Variants in NUDT12 observed in about 807,000 individuals in gnomAD.
NUDT12 encodes the protein nudix hydrolase 12, also known as NAD-capped RNA hydrolase NUDT12.
Under a neutral mutation model 45.7 loss-of-function variants are expected in NUDT12, and 42 were observed. The ratio of observed to expected loss-of-function variants is 0.92; its 90% CI spans 0.72 to 1.19. The LOEUF (loss-of-function observed/expected upper bound fraction) is 1.19, where lower values mean the gene tolerates loss of function less well. NUDT12 is among the 50% of genes most tolerant of loss of function. NUDT12 has a pLI of 0.00. For synonymous variants in NUDT12, 206 were observed against 179.7 expected, an observed-to-expected ratio of 1.15 and a Z score of -1.17; for missense variants, 590 against 533.1, an observed-to-expected ratio of 1.11 and a Z score of -1.05.
At chr5:103,552,157 G>T in intron 6 of NUDT12, 60 bp downstream of exon 6, 1 of 1,420,664 alleles carries the variant, frequency 7.0e-7, no homozygotes. Context: ...CTTGCTCTGT[G>T]ACCAAACCAA....
Position 103,559,074 on chromosome 5 carries a change from C to CT in NUDT12, c.600dup (p.Val201SerfsTer4). On this transcript the variant is annotated frameshift_variant, in exon 3 of 7. Coordinates refer to ENST00000230792, the MANE Select transcript of NUDT12 (RefSeq NM_031438.4). LOFTEE classifies it high-confidence loss of function. Reference sequence around the variant, plus strand: ...AGTTTGTCTTTTATTTCAAGTTCTACTCCAAGAAAAATCAAGGTGATCTTC... The same window carrying CT: ...AGTTTGTCTTTTATTTCAAGTTCTACTTCCAAGAAAAATCAAGGTGATCTTC... 2.5e-6 allele frequency: 4 copies of CT among 1,613,098 alleles called. No homozygotes were observed. Among genetic ancestry groups the CT allele is most frequent in the Non-Finnish European group, 3.4e-6 (4 of 1,179,548 alleles).
intron 3 of NUDT12, 139 bp from the exon 4 acceptor site, chr5:103,556,237 C>A (rs926388765): frequency 2.9e-5 from 15 of 515,948 alleles, no homozygotes; most frequent in Non-Finnish European, 4.0e-5. Context: ...AATGCGTATT[C>A]TTCTTTTAAA....
At chr5:103,553,430 G>A (rs1039278721) in intron 5 of NUDT12, among the ~76,000 whole-genome samples, 6 of 152,052 alleles carry the variant, frequency 3.9e-5, no homozygotes, top group South Asian at 2.1e-4. Context: ...AACGAGATAC[G>A]ATTTCATTCA....
chr5:103,560,333 T>G (rs567010042), intron 1 of NUDT12, 79 bp from the exon 2 acceptor site: 2 of 810,762 alleles, frequency 2.5e-6, no homozygotes, highest in Non-Finnish European at 4.1e-6. Flanking sequence ...TAAATAGCAA[T>G]AGAATAATAG....
At chr5:103,557,735 G>A (rs1019878944) in intron 3 of NUDT12, among the ~76,000 whole-genome samples, 1 of 151,748 alleles carries the variant, frequency 6.6e-6, no homozygotes, top group Non-Finnish European at 1.5e-5. Flanking sequence ...TGGCCACACT[G>A]TTTCCAACTC....
chr5:103,556,025 T>G lies in NUDT12; in HGVS notation c.870A>C (p.Ala290=). 1 of 1,612,162 alleles carries G rather than the reference T, an allele frequency of 6.2e-7. No homozygotes were observed. The highest frequency in any genetic ancestry group is 8.5e-7 in the Non-Finnish European group (1 of 1,178,780). ...RYKFCPTCGN[A]TKIEEGGYKR... is the part of the protein sequence containing the mutation. ...TATAGCCACCTTCTTCAATTTTAGT[T>G]GCATTTCCACAGGTTGGGCAAAACT... is the stretch of plus-strand genomic sequence containing the variant. Residue 290 remains alanine, a synonymous_variant, in exon 4 of 7, where the codon GCA becomes GCC. Transcript: ENST00000230792.
chr5:103,559,248 C>T lies in NUDT12; in HGVS notation c.427G>A (p.Glu143Lys), dbSNP rs1203527700. 6.3e-7 allele frequency: 1 copy of T among 1,583,658 alleles called. No individual in the cohort carries two copies. Among genetic ancestry groups the T allele is most frequent in the East Asian group, 2.2e-5 (1 of 44,508 alleles). Reference protein sequence around the residue: ...RNNSDWLLAKESHPATVFILF... With the variant: ...RNNSDWLLAKKSHPATVFILF... ...ATAAAAACTGTGGCTGGATGGCTTTCTTTAGCTAGCAGCCAGTCAGAATTA... is the reference window on the plus strand; with the variant it reads ...ATAAAAACTGTGGCTGGATGGCTTTTTTTAGCTAGCAGCCAGTCAGAATTA... Residue 143 changes from glutamate (E) to lysine (K), a missense_variant, in exon 3 of 7, where the codon GAA becomes AAA. Coordinates refer to ENST00000230792, the MANE Select transcript of NUDT12 (RefSeq NM_031438.4).
chr5:103,551,037 G>T, intron 6 of NUDT12, 66 bp from the exon 7 acceptor site: 1 of 1,067,324 alleles, frequency 9.4e-7, no homozygotes, highest in Non-Finnish European at 1.4e-6. Flanking sequence ...CTATTCCCAT[G>T]TTTACATAAT....
At chr5:103,558,217 C>T (rs1326797699) in intron 3 of NUDT12, among the ~76,000 whole-genome samples, 1 of 152,000 alleles carries the variant, frequency 6.6e-6, no homozygotes, top group Non-Finnish European at 1.5e-5. Flanking sequence ...TGCCATATTA[C>T]CACCATCTCT....
At position 103,559,443 on chromosome 5, in the gene NUDT12, A is replaced by C; in HGVS notation, c.232T>G (p.Ser78Ala). 1.3e-6 allele frequency: 2 copies of C among 1,540,568 alleles called. No individual in the cohort carries two copies. The highest frequency in any genetic ancestry group is 1.7e-6 in the Non-Finnish European group (2 of 1,146,620). ...KGCDRSIVNK[S>A]RQTALDIAVF... ...GCAATGTCCAGTGCAGTCTGCCTTGATTTATTGACAATTGATCTGTCACAC... is the reference window on the plus strand; with the variant it reads ...GCAATGTCCAGTGCAGTCTGCCTTGCTTTATTGACAATTGATCTGTCACAC... The change falls in exon 3 of 7, where the codon TCA becomes GCA. Residue 78 changes from serine to alanine, a missense_variant. Transcript: ENST00000230792.
chr5:103,562,531 C>T (rs956814289), intron 1 of NUDT12, among the ~76,000 whole-genome samples, 172 bp downstream of exon 1: 2 of 152,020 alleles, frequency 1.3e-5, no homozygotes, highest in Non-Finnish European at 2.9e-5. Flanking sequence ...GCGGGAGCCC[C>T]TGCAAATGCG....
intron 3 of NUDT12, among the ~76,000 whole-genome samples, chr5:103,557,730 A>G (rs1230651083): frequency 2.6e-5 from 4 of 151,792 alleles, no homozygotes; most frequent in Non-Finnish European, 5.9e-5. Flanking sequence ...CCTCATGGCC[A>G]CACTGTTTCC....
chr5:103,551,890 T>C (rs889744739), intron 6 of NUDT12, among the ~76,000 whole-genome samples: 2 of 152,196 alleles, frequency 1.3e-5, no homozygotes, highest in African/African-American at 4.8e-5. Flanking sequence ...ATAAAATGTA[T>C]AAGAATATTC....
At chr5:103,560,890 G>T (rs1051861474) in intron 1 of NUDT12, among the ~76,000 whole-genome samples, 1 of 151,688 alleles carries the variant, frequency 6.6e-6, no homozygotes, top group Non-Finnish European at 1.5e-5. Flanking sequence ...CAGTTCTGTT[G>T]GTCACTTTGT....
intron 3 of NUDT12, among the ~76,000 whole-genome samples, chr5:103,557,303 ATG>A (rs1491028597): frequency 7.1e-6 from 1 of 140,442 alleles, no homozygotes; most frequent in Non-Finnish European, 1.6e-5. Context: ...ATATATATAT[ATG>A]TCTAAAGAAA....
Position 103,552,242 on chromosome 5 carries a change from T to A in NUDT12, c.1253A>T (p.Asp418Val), listed in dbSNP as rs201557780. The change falls in exon 6 of 7, where the codon GAT becomes GTT. Residue 418 changes from aspartate to valine, a missense_variant. Transcript: ENST00000230792. ...CTGTTCTCTAGTGAACCAGCGGGCA[T>A]CCTCTATTTCATTCTTGTCAACTTT... Reference protein sequence around the residue: ...EIKVDKNEIEDARWFTREQVL... With the variant: ...EIKVDKNEIEVARWFTREQVL... 11 of 1,613,682 alleles carry A rather than the reference T, an allele frequency of 6.8e-6. No individual in the cohort carries two copies. The highest frequency in any genetic ancestry group is 6.7e-5 in the East Asian group (3 of 44,876).
intron 4 of NUDT12, among the ~76,000 whole-genome samples, chr5:103,555,163 T>A (rs1748775747): frequency 6.6e-6 from 1 of 151,982 alleles, no homozygotes; most frequent in Non-Finnish European, 1.5e-5. Flanking sequence ...GAGAAAAAAA[T>A]TTGAGTAGGT....
chr5:103,549,302 T>C lies in NUDT12; in HGVS notation c.*1559A>G, dbSNP rs1382062240. On this transcript the variant is annotated 3_prime_UTR_variant, in exon 7 of 7. Coordinates refer to ENST00000230792, the MANE Select transcript of NUDT12 (RefSeq NM_031438.4). ...GTCCTCTGTCAGTTTTAATTTGGTT[T>C]AAATTCTTGATACCAATAAGCCTTC... 1.3e-5 allele frequency: 2 copies of C among 152,046 alleles called. No homozygotes were observed. Among genetic ancestry groups the C allele is most frequent in the Middle Eastern group, 6.6e-3 (2 of 304 alleles). 9.4% of individuals were successfully genotyped at this position (152,046 alleles called of 1,614,324 possible). A position where few individuals can be genotyped will look rare whatever the true frequency, so the allele number is the denominator to read the frequency against.
chr5:103,552,452 A>C (rs1001718659), intron 5 of NUDT12, 36 bp from the exon 6 acceptor site: 4 of 1,529,474 alleles, frequency 2.6e-6, no homozygotes, highest in Non-Finnish European at 2.7e-6. Flanking sequence ...GTTGCTGATG[A>C]ACATGCCCGG....
Sources: gnomAD v4.1 joint callset for allele counts (sites outside exome capture counted in the v4.1 genomes callset) on GRCh38, gnomAD v4.1.1 for gene constraint, MANE v1.5 for transcripts, NCBI Gene and HGNC (gene_info 2026-07-23, HGNC 2026-07-21) for gene names.